Variants in ITLN2 observed in about 807,000 individuals in gnomAD.
ITLN2 encodes intelectin 2, also known as intelectin-2.
ITLN2 carries 29 observed loss-of-function variants against 39.4 expected under a neutral mutation model. That is an observed-to-expected ratio of 0.74 (90% CI 0.55 to 1.00). The LOEUF (loss-of-function observed/expected upper bound fraction) is 1.00. ITLN2 is among the 50% of genes least tolerant of loss of function. The pLI, the probability that ITLN2 is intolerant of heterozygous loss-of-function variation, is 0.00. For missense variants in ITLN2, 412 were observed against 416.7 expected (o/e 0.99, Z 0.10); for synonymous variants, 156 against 153.4 (o/e 1.02, Z -0.12).
rs1010449767 is a variant in ITLN2 at position 160,951,184 on chromosome 1, A to G, written c.300T>C (p.Asn100=). The G allele has an allele frequency of 6.2e-7, 1 of 1,614,090 alleles. No homozygotes were observed. Among genetic ancestry groups the G allele is most frequent in the Non-Finnish European group, 8.5e-7 (1 of 1,179,990 alleles). The part of the protein sequence containing the change: ...GWTLVASVHE[N]DMRGKCTVGD... Reference sequence around the variant, plus strand: ...CCACCGTGCACTTCCCACGCATGTCATTCTCGTGCACGCTGGCCACCAGGG... The same window carrying G: ...CCACCGTGCACTTCCCACGCATGTCGTTCTCGTGCACGCTGGCCACCAGGG... The change falls in exon 4 of 8, where the codon AAT becomes AAC. Residue 100 remains asparagine, a synonymous_variant. Transcript: ENST00000368029.
chr1:160,954,357 C>CT, intron 2 of ITLN2, 30 bp downstream of exon 2: 1 of 1,513,308 alleles, frequency 6.6e-7, no homozygotes, highest in South Asian at 1.2e-5. Flanking sequence ...GCCCAGGAAA[C>CT]TGCAGCTCCT....
At chr1:160,952,798 C>G in intron 2 of ITLN2, 65 bp from the exon 3 acceptor site, 2 of 1,177,004 alleles carry the variant, frequency 1.7e-6, no homozygotes, top group Admixed American at 1.7e-5. Context: ...CCTGGCCAAT[C>G]TCTGCCCCTG....
chr1:160,953,075 T>C (rs1022208686), intron 2 of ITLN2, among the ~76,000 whole-genome samples: 3 of 152,136 alleles, frequency 2.0e-5, no homozygotes, highest in Non-Finnish European at 2.9e-5. Flanking sequence ...GGGTGAGGCC[T>C]GGGAACTGCT....
chr1:160,953,232 C>A (rs1301400054), intron 2 of ITLN2, among the ~76,000 whole-genome samples: 1 of 152,144 alleles, frequency 6.6e-6, no homozygotes, highest in Non-Finnish European at 1.5e-5. Flanking sequence ...GAGCCCAGCC[C>A]AGCCCAGCCT....
chr1:160,948,317 C>T (rs1338546375), intron 6 of ITLN2, among the ~76,000 whole-genome samples: 2 of 152,174 alleles, frequency 1.3e-5, no homozygotes, highest in Admixed American at 1.3e-4. Flanking sequence ...CTAGACTCTA[C>T]AAAAAGATTA....
intron 2 of ITLN2, among the ~76,000 whole-genome samples, chr1:160,952,949 C>T (rs954716848): frequency 6.6e-6 from 1 of 152,196 alleles, no homozygotes; most frequent in Non-Finnish European, 1.5e-5. Context: ...ACTGTGTGAA[C>T]TACCTAGACA....
At position 160,951,108 on chromosome 1, in the gene ITLN2, C is replaced by T. The variant is rs777694118; in HGVS notation, c.376G>A (p.Asp126Asn). 3 of 1,614,184 alleles carry T rather than the reference C, an allele frequency of 1.9e-6. No homozygotes were observed. Among genetic ancestry groups the T allele is most frequent in the East Asian group, 2.2e-5 (1 of 44,882 alleles). Residue 126 changes from aspartate (D) to asparagine (N), a missense_variant, in exon 4 of 8, where the codon GAT (aspartate) becomes AAT (asparagine). Asp to Asn is a conservative substitution (Grantham distance 23, BLOSUM62 1). Coordinates refer to ENST00000368029, the MANE Select transcript of ITLN2 (RefSeq NM_080878.3). ...GTGTTGTAGTTGGCCCAGTTGCCAT[C>T]CCCCTCTGGGTAGTCTGCTTTGTTG... Reference protein sequence around the residue: ...QGNKADYPEGDGNWANYNTFG... With the variant: ...QGNKADYPEGNGNWANYNTFG...
At chr1:160,952,116 G>A (rs1338556360) in intron 3 of ITLN2, among the ~76,000 whole-genome samples, 3 of 152,146 alleles carry the variant, frequency 2.0e-5, no homozygotes, top group South Asian at 2.1e-4. Context: ...CACTTTTGCC[G>A]ATCTTGAACT....
Position 160,950,990 on chromosome 1 carries a change from C to T in ITLN2, c.441+53G>A, listed in dbSNP as rs1570974253. ...GCCCTCCCTCCTGCAGGCTGGTGGC[C>T]AGCCACACTCCACACCTCACCCTCA... On this transcript the variant is annotated intron_variant, in intron 4 of 7. Transcript: ENST00000368029. 1.9e-6 allele frequency: 3 copies of T among 1,613,940 alleles called. No homozygotes were observed. The East Asian group carries it at 6.7e-5, about 36-fold the overall frequency.
At chr1:160,953,281 CAT>C (rs1158015738) in intron 2 of ITLN2, among the ~76,000 whole-genome samples, 6 of 152,228 alleles carry the variant, frequency 3.9e-5, no homozygotes, top group Middle Eastern at 3.4e-3. Context: ...GTGGCTGGAA[CAT>C]ATGTTGTAAT....
chr1:160,953,601 C>T (rs940012273), intron 2 of ITLN2, among the ~76,000 whole-genome samples: 2 of 152,050 alleles, frequency 1.3e-5, no homozygotes, highest in Non-Finnish European at 2.9e-5. Flanking sequence ...ATCCCAGCTA[C>T]TGGGGAGGCT....
chr1:160,952,273 C>T (rs1157965065), intron 3 of ITLN2, among the ~76,000 whole-genome samples: 1 of 152,224 alleles, frequency 6.6e-6, no homozygotes, highest in Non-Finnish European at 1.5e-5. Flanking sequence ...GCTCTGGCTA[C>T]TGCTATTTCT....
rs1671646490 is a variant in ITLN2, at chr1:160,947,992, A to G, written c.762T>C (p.Asn254=). Residue 254 remains asparagine, a synonymous_variant, in exon 7 of 8, where the codon AAT becomes AAC. Coordinates refer to ENST00000368029, the MANE Select transcript of ITLN2 (RefSeq NM_080878.3). ...AAAGGGCGTTGGCTGCTCTCTCGTT[A>G]TTAAACACCCGGAACTGAACGAATC... ...VAGFVQFRVF[N]NERAANALCA... 2.5e-6 allele frequency: 4 copies of G among 1,614,078 alleles called. No individual in the cohort carries two copies. Among genetic ancestry groups the G allele is most frequent in the Non-Finnish European group, 3.4e-6 (4 of 1,180,008 alleles).
intron 3 of ITLN2, 92 bp from the exon 4 acceptor site, chr1:160,951,382 A>G: frequency 6.7e-7 from 1 of 1,489,428 alleles, no homozygotes; most frequent in Admixed American, 2.3e-5. Flanking sequence ...AGTCAAAAGC[A>G]CACTCAGAAG....
Position 160,952,673 on chromosome 1 carries a change from G to C in ITLN2, c.140C>G (p.Ser47Cys), listed in dbSNP as rs373717915. The C allele has an allele frequency of 4.3e-6, 7 of 1,614,048 alleles. No individual in the cohort carries two copies. The highest frequency in any genetic ancestry group is 5.9e-6 in the Non-Finnish European group (7 of 1,180,022). Residue 47 changes from serine to cysteine, a missense_variant, in exon 3 of 8, where the codon TCT becomes TGT. Physicochemically the swap from Ser to Cys is moderately radical, Grantham distance 112 (BLOSUM62 -1). Transcript: ENST00000368029. The part of the protein sequence containing the change: ...REFETCAFSF[S>C]SLPRSCKEIK... ...TTCTTTGCAGCTTCTAGGCAGGGAA[G>C]AAAAGGAGAAGGCACAGGTTTCGAA...
At chr1:160,951,347 C>G in intron 3 of ITLN2, 57 bp from the exon 4 acceptor site, 2 of 1,521,492 alleles carry the variant, frequency 1.3e-6, no homozygotes, top group Non-Finnish European at 1.8e-6. Flanking sequence ...TTCATCTCAG[C>G]TCCGTGAATA....
At chr1:160,949,750 A>G in intron 6 of ITLN2, 1 of 294,072 alleles carries the variant, frequency 3.4e-6, no homozygotes, top group Non-Finnish European at 6.5e-6. Context: ...TTCTTTCTAC[A>G]TAGACACAGT....
In ITLN2 at chr1:160,945,960, A is replaced by G. The variant is rs146510229; in HGVS notation, c.826-668T>C. Among the ~76,000 whole-genome samples, 294 of 152,314 alleles carry G rather than the reference A, an allele frequency of 1.9e-3. 2 individuals are homozygous for G. Among genetic ancestry groups the G allele is most frequent in the African/African-American group, 6.7e-3 (278 of 41,570 alleles). Reference sequence around the variant, plus strand: ...TAAGGAGGTACATCTTAAAGAAAACATTAAAAGTACTAACCATAAATGAAA... The same window carrying G: ...TAAGGAGGTACATCTTAAAGAAAACGTTAAAAGTACTAACCATAAATGAAA... On this transcript the variant is annotated intron_variant, in intron 7 of 7. Transcript: ENST00000368029.
chr1:160,947,957 A>G lies in ITLN2; in HGVS notation c.797T>C (p.Ile266Thr). Residue 266 changes from isoleucine (I) to threonine (T), a missense_variant, in exon 7 of 8, where the codon ATA (isoleucine) becomes ACA (threonine). Physicochemically the swap from Ile to Thr is moderately conservative, Grantham distance 89. Coordinates refer to ENST00000368029, the MANE Select transcript of ITLN2 (RefSeq NM_080878.3). ...CTCAGTGTTACAGCCAGTAACTTTT[A>G]TCCCAGCACAAAGGGCGTTGGCTGC... is the stretch of plus-strand genomic sequence containing the variant. ...ERAANALCAG[I>T]KVTGCNTEHH... 6.2e-7 allele frequency: 1 copy of G among 1,614,016 alleles called. No homozygotes were observed. The highest frequency in any genetic ancestry group is 8.5e-7 in the Non-Finnish European group (1 of 1,179,968).
Sources: allele counts gnomAD v4.1 joint callset (sites outside exome capture counted in the v4.1 genomes callset), GRCh38; gene constraint gnomAD v4.1.1; transcripts MANE v1.5; gene names NCBI Gene and HGNC (gene_info 2026-07-23, HGNC 2026-07-21).